Variants in GRAMD1A observed in about 807,000 individuals in gnomAD.
The protein encoded by GRAMD1A is protein Aster-A.
A neutral mutation model predicts 92.0 loss-of-function variants in GRAMD1A; 50 were observed. The observed-to-expected ratio is 0.54, with a 90% CI of 0.43 to 0.69. The LOEUF is 0.69. Among genes scored for constraint, GRAMD1A ranks in the 30% least tolerant of loss-of-function variants. GRAMD1A has a pLI of 0.00. For missense variants in GRAMD1A, 819 were observed against 978.9 expected, an observed-to-expected ratio of 0.84 and a Z score of 2.18; for synonymous variants, 405 against 403.6, an observed-to-expected ratio of 1.00 and a Z score of -0.04.
chr19:35,003,143 CGT>C (rs60437273), intron 1 of GRAMD1A, among the ~76,000 whole-genome samples: 17,688 of 140,870 alleles, frequency 0.13, 1,183 homozygotes, highest in African/African-American at 0.22. Context: ...TTGCTCTGTG[CGT>C]GTGTGTGTGT....
chr19:35,006,945 C>T (rs972164276), intron 1 of GRAMD1A, among the ~76,000 whole-genome samples: 6 of 152,048 alleles, frequency 3.9e-5, no homozygotes, highest in Admixed American at 2.0e-4. Context: ...GACATTCAGG[C>T]GGAGGGACTA....
Position 35,009,297 on chromosome 19 carries a change from C to G in GRAMD1A, c.187C>G (p.Leu63Val). The G allele has an allele frequency of 5.6e-6, 9 of 1,614,002 alleles. No homozygotes were observed. Among genetic ancestry groups the G allele is most frequent in the Non-Finnish European group, 7.6e-6 (9 of 1,179,912 alleles). Residue 63 changes from leucine to valine, a missense_variant, in exon 2 of 20, where the codon CTA (leucine) becomes GTA (valine). Leu to Val is a conservative substitution (Grantham distance 32). Coordinates refer to ENST00000317991, the MANE Select transcript of GRAMD1A (RefSeq NM_020895.5). ...GVPGTPSTQS[L>V]GSRNFIRNSK... ...GCCTGGGACCCCCAGCACCCAGAGC[C>G]TAGGCAGCCGGAACTTCATCCGCAA...
chr19:35,009,077 G>GT, intron 1 of GRAMD1A, 42 bp from the exon 2 acceptor site: 14 of 1,383,256 alleles, frequency 1.0e-5, no homozygotes, highest in Non-Finnish European at 1.4e-5. Context: ...ATCCCAGCCT[G>GT]TTTTTTCCAG....
At chr19:35,006,723 C>G (rs1169513954) in intron 1 of GRAMD1A, among the ~76,000 whole-genome samples, 10 of 152,200 alleles carry the variant, frequency 6.6e-5, no homozygotes, top group Admixed American at 5.2e-4. Flanking sequence ...TGAGCATTCA[C>G]TATGTGCCTA....
At chr19:34,996,024 T>A, upstream of GRAMD1A, 1 of 1,532,936 alleles carries the variant, frequency 6.5e-7, no homozygotes, top group Non-Finnish European at 8.7e-7. Context: ...ACCCTCTCCA[T>A]GGATGATGTC....
intron 3 of GRAMD1A, 180 bp downstream of exon 3, chr19:35,009,623 G>A (rs2015074751): frequency 1.4e-6 from 1 of 699,602 alleles, no homozygotes; most frequent in South Asian, 1.7e-5. Flanking sequence ...AACCTCTCTG[G>A]GCCTCTCTCT....
Position 35,021,409 on chromosome 19 carries a change from G to C in GRAMD1A, c.1476-93G>C. The C allele has an allele frequency of 1.1e-6, 1 of 921,234 alleles. No homozygotes were observed. Among genetic ancestry groups the C allele is most frequent in the South Asian group, 1.3e-5 (1 of 74,220 alleles). 57.1% of individuals were successfully genotyped at this position (921,234 alleles called of 1,614,324 possible). On this transcript the variant is annotated intron_variant, in intron 13 of 19. Transcript: ENST00000317991. The surrounding 1 kb of genome is among the most constrained non-coding windows in gnomAD (Gnocchi z 5.3). ...CTGTGAGTGACAAGGGGCCCTCTCT[G>C]AATTAGGGGAAGGAAAAAACTCAGC...
At chr19:34,995,574 T>G (rs12973358), upstream of GRAMD1A, among the ~76,000 whole-genome samples, 5 of 127,658 alleles carry the variant, frequency 3.9e-5, no homozygotes, top group Admixed American at 7.5e-5. Flanking sequence ...ATCACGGGTT[T>G]TTTTTTTTTT....
rs2016218207 is a variant in GRAMD1A at position 35,023,422 on chromosome 19, C to T, written c.1962-5C>T. ...AGGCCCTGCTCAGGCCTGGCATCCC[C>T]ACAGCAAGTTCCCCCAGACGGCCAC... On this transcript the variant is annotated splice_polypyrimidine_tract_variant and splice_region_variant and intron_variant, in intron 18 of 19. Coordinates refer to ENST00000317991, the MANE Select transcript of GRAMD1A (RefSeq NM_020895.5). 2 of 1,596,474 alleles carry T rather than the reference C, an allele frequency of 1.3e-6. No individual in the cohort carries two copies. The highest frequency in any genetic ancestry group is 1.7e-6 in the Non-Finnish European group (2 of 1,170,754).
chr19:35,008,047 G>A (rs2014951258), intron 1 of GRAMD1A, among the ~76,000 whole-genome samples: 1 of 151,984 alleles, frequency 6.6e-6, no homozygotes, highest in Non-Finnish European at 1.5e-5. Context: ...AGGAGGTATA[G>A]GCCAGGCGCG....
intron 10 of GRAMD1A, chr19:35,014,655 C>G: frequency 5.7e-6 from 3 of 523,652 alleles, no homozygotes; most frequent in Non-Finnish European, 1.0e-5. Context: ...AATTATGTAA[C>G]TTCTCTGAGC....
Position 35,013,128 on chromosome 19 carries a change from C to T in GRAMD1A, c.607-128C>T, listed in dbSNP as rs1254353777. 5 of 614,116 alleles carry T rather than the reference C, an allele frequency of 8.1e-6. No homozygotes were observed. Among genetic ancestry groups the T allele is most frequent in the Middle Eastern group, 4.4e-4 (1 of 2,268 alleles). 38.0% of individuals were successfully genotyped at this position (614,116 alleles called of 1,614,324 possible). On this transcript the variant is annotated intron_variant, in intron 7 of 19. Transcript: ENST00000317991. The surrounding 1 kb of genome is among the most constrained non-coding windows in gnomAD (Gnocchi z 4.9). ...CCGCTTGCTGAGGCCAGGTCTGGTG[C>T]GGGAGATCGTGGCTGCCTCCTTGTG...
chr19:34,995,447 G>A (rs1447204428), upstream of GRAMD1A, among the ~76,000 whole-genome samples: 1 of 152,142 alleles, frequency 6.6e-6, no homozygotes, highest in Non-Finnish European at 1.5e-5. Context: ...ATACTGCCTG[G>A]CCACCCTGCA....
At position 35,019,525 on chromosome 19, in the gene GRAMD1A, G is replaced by T; in HGVS notation, c.1467G>T (p.Ala489=). The T allele has an allele frequency of 6.2e-7, 1 of 1,613,926 alleles. No homozygotes were observed. Among genetic ancestry groups the T allele is most frequent in the East Asian group, 2.2e-5 (1 of 44,880 alleles). Residue 489 remains alanine (A), a synonymous_variant, in exon 13 of 20, where the codon GCG becomes GCT. Transcript: ENST00000317991. ...TCCTGGGTCTGGCCCGGAACAAGGC[G>T]CGGCTCCGGTGAGTGGTGGCTGGGC... ...YCILGLARNK[A]RLRVSSEIRY... is the part of the protein sequence containing the mutation.
chr19:35,013,771 C>A lies in GRAMD1A; in HGVS notation c.870+80C>A. On this transcript the variant is annotated intron_variant, in intron 9 of 19. Coordinates refer to ENST00000317991, the MANE Select transcript of GRAMD1A (RefSeq NM_020895.5). This position sits in a 1 kb window ranked among gnomAD's most constrained non-coding sequence, Gnocchi z 4.9. ...TGGGGGTGCAGTGGGAGAAGAACAG[C>A]CTGACAGATTTGGAGGGGAATGGAT... The A allele has an allele frequency of 7.1e-7, 1 of 1,406,218 alleles. No homozygotes were observed. The highest frequency in any genetic ancestry group is 9.8e-7 in the Non-Finnish European group (1 of 1,018,310). The allele number at this position is 1,406,218 out of a possible 1,614,324, so 87.1% of individuals were successfully genotyped here. A position where few individuals can be genotyped will look rare whatever the true frequency, so the allele number is the denominator to read the frequency against.
At chr19:35,019,632 T>C in intron 13 of GRAMD1A, 99 bp downstream of exon 13, 1 of 1,203,626 alleles carries the variant, frequency 8.3e-7, no homozygotes, top group Non-Finnish European at 1.2e-6. Context: ...CCCACCCTGG[T>C]GGAGGAACAG....
chr19:35,016,777 C>T (rs1004676419), intron 11 of GRAMD1A, among the ~76,000 whole-genome samples: 1 of 151,808 alleles, frequency 6.6e-6, no homozygotes, highest in Middle Eastern at 3.4e-3. Context: ...TGGTGGCGAG[C>T]ACCTGTAATC....
chr19:35,018,976 G>A (rs1320385680), intron 11 of GRAMD1A, among the ~76,000 whole-genome samples: 2 of 152,062 alleles, frequency 1.3e-5, no homozygotes, highest in Non-Finnish European at 2.9e-5. Flanking sequence ...AAGCCAAGAC[G>A]GGTGCAGAGG....
intron 1 of GRAMD1A, among the ~76,000 whole-genome samples, chr19:35,006,274 A>T (rs1307465709): frequency 6.6e-6 from 1 of 152,184 alleles, no homozygotes; most frequent in East Asian, 1.9e-4. Context: ...CTGAGCTGAG[A>T]TAGTGCCACT....
Sources: allele counts gnomAD v4.1 joint callset (sites outside exome capture counted in the v4.1 genomes callset), GRCh38; gene constraint gnomAD v4.1.1; non-coding constraint Gnocchi (gnomAD v3.1); transcripts MANE v1.5; gene names NCBI Gene and HGNC (gene_info 2026-07-23, HGNC 2026-07-21).